The following MBNL1 variants were observed in gnomAD, a reference collection of about 807,000 sequenced individuals.
The protein encoded by MBNL1 is muscleblind-like protein 1.
MBNL1 carries 8 observed loss-of-function variants against 42.2 expected under a neutral mutation model. The ratio of observed to expected loss-of-function variants is 0.19; its 90% CI spans 0.11 to 0.34. The LOEUF (loss-of-function observed/expected upper bound fraction) is 0.34. Ranked by LOEUF, MBNL1 falls within the 10% of genes least tolerant of loss-of-function variation. MBNL1 has a pLI of 1.00. For synonymous variants in MBNL1, 169 were observed against 173.9 expected (o/e 0.97, Z 0.22); for missense variants, 309 against 495.3 (o/e 0.62, Z 3.57).
chr3:152,317,439 T>C (rs1031334095), intron 2 of MBNL1, among the ~76,000 whole-genome samples: 2 of 151,920 alleles, frequency 1.3e-5, no homozygotes, highest in Admixed American at 6.6e-5. Flanking sequence ...CCCGCCTCAA[T>C]CTCCTGAGTA....
At chr3:152,388,827 G>A (rs1293963983) in intron 2 of MBNL1, among the ~76,000 whole-genome samples, 1 of 152,186 alleles carries the variant, frequency 6.6e-6, no homozygotes, top group Admixed American at 6.5e-5. Context: ...TATTCAGGTA[G>A]ATGAAGTGAC....
intron 2 of MBNL1, among the ~76,000 whole-genome samples, chr3:152,328,988 G>A (rs2082272605): frequency 6.6e-6 from 1 of 152,054 alleles, no homozygotes; most frequent in African/African-American, 2.4e-5. Flanking sequence ...GAAGGAGCTA[G>A]TGAAAAGTAA....
At chr3:152,331,689 G>A (rs577574639) in intron 2 of MBNL1, among the ~76,000 whole-genome samples, 1 of 152,010 alleles carries the variant, frequency 6.6e-6, no homozygotes, top group African/African-American at 2.4e-5. Flanking sequence ...TACTTCAAAT[G>A]TTATTGATTG....
intron 2 of MBNL1, among the ~76,000 whole-genome samples, chr3:152,322,948 G>A (rs931734487): frequency 2.6e-5 from 4 of 152,044 alleles, no homozygotes; most frequent in African/African-American, 9.7e-5. Flanking sequence ...ATTTAAGCCA[G>A]GATACTGTTA....
chr3:152,246,498 CATG>C (rs2033055614), intron 2 of MBNL1, among the ~76,000 whole-genome samples: 2 of 151,376 alleles, frequency 1.3e-5, no homozygotes. Context: ...TCTGAGTTTC[CATG>C]ATAATATTAA....
intron 2 of MBNL1, among the ~76,000 whole-genome samples, chr3:152,390,331 G>T (rs2097655546): frequency 6.6e-6 from 1 of 151,462 alleles, no homozygotes. Context: ...CCTACACAGG[G>T]TTGGGACCAT....
upstream of MBNL1, chr3:152,268,537 G>T (rs1457614393): frequency 1.7e-5 from 6 of 349,654 alleles, no homozygotes; most frequent in East Asian, 4.9e-4. Flanking sequence ...GTGCCTAGCA[G>T]TCGGTAGAAG....
At chr3:152,269,116 C>T (rs2038343731) in intron 1 of MBNL1, 24 bp downstream of exon 1, 2 of 449,768 alleles carry the variant, frequency 4.4e-6, no homozygotes, top group South Asian at 1.6e-5. Flanking sequence ...TTCACAGTTT[C>T]CCCGCGCCGC....
At chr3:152,326,005 A>G (rs907865146) in intron 2 of MBNL1, among the ~76,000 whole-genome samples, 1 of 152,148 alleles carries the variant, frequency 6.6e-6, no homozygotes, top group Non-Finnish European at 1.5e-5. Context: ...CCCCTGTAGC[A>G]TGTTAAAAGA....
At chr3:152,390,502 T>A (rs77709396) in intron 2 of MBNL1, among the ~76,000 whole-genome samples, 10,917 of 152,078 alleles carry the variant, frequency 0.072, 509 homozygotes, top group Middle Eastern at 0.16. Flanking sequence ...TTTTTTTTTT[T>A]AATTATTAGA....
chr3:152,251,907 G>A (rs1279350372), intron 2 of MBNL1, among the ~76,000 whole-genome samples: 4 of 151,982 alleles, frequency 2.6e-5, no homozygotes, highest in African/African-American at 7.2e-5. Flanking sequence ...GCTGCAGTAT[G>A]ATGGCTTTAC....
At chr3:152,326,755 T>C (rs2152511803) in intron 2 of MBNL1, among the ~76,000 whole-genome samples, 1 of 149,888 alleles carries the variant, frequency 6.7e-6, no homozygotes, top group East Asian at 2.0e-4. Flanking sequence ...TAAATTTTTC[T>C]AAAAAATTTT....
intron 1 of MBNL1, among the ~76,000 whole-genome samples, chr3:152,290,508 G>T (rs2055288711): frequency 6.6e-6 from 1 of 151,960 alleles, no homozygotes; most frequent in South Asian, 2.1e-4. Flanking sequence ...CAATGTATGA[G>T]GTGCTGTGGA....
intron 2 of MBNL1, among the ~76,000 whole-genome samples, chr3:152,347,425 GT>G (rs1211823336): frequency 6.6e-6 from 1 of 152,050 alleles, no homozygotes; most frequent in African/African-American, 2.4e-5. Flanking sequence ...TTAGGTTATA[GT>G]TTTCATATCA....
intron 2 of MBNL1, among the ~76,000 whole-genome samples, chr3:152,244,695 T>C (rs936477975): frequency 5.3e-5 from 8 of 152,206 alleles, no homozygotes; most frequent in African/African-American, 1.7e-4. Flanking sequence ...TAAAACGTTA[T>C]CTTTCTTGTG....
At chr3:152,310,001 AGG>A (rs2065445747) in intron 2 of MBNL1, among the ~76,000 whole-genome samples, 1 of 152,222 alleles carries the variant, frequency 6.6e-6, no homozygotes, top group Non-Finnish European at 1.5e-5. Context: ...AAATTTGCTC[AGG>A]TAACACACAA....
intron 2 of MBNL1, among the ~76,000 whole-genome samples, chr3:152,375,370 C>T (rs2096853132): frequency 6.6e-6 from 1 of 152,188 alleles, no homozygotes; most frequent in Non-Finnish European, 1.5e-5. Flanking sequence ...TTTAGATAAA[C>T]ACCACTGATT....
intron 1 of MBNL1, among the ~76,000 whole-genome samples, chr3:152,285,898 A>G (rs1158629872): frequency 6.6e-6 from 1 of 151,532 alleles, no homozygotes; most frequent in African/African-American, 2.4e-5. Flanking sequence ...TGCTGCGATT[A>G]TAGGTATGAG....
intron 2 of MBNL1, among the ~76,000 whole-genome samples, chr3:152,414,048 T>A (rs1210824592): frequency 6.6e-6 from 1 of 152,188 alleles, no homozygotes; most frequent in Non-Finnish European, 1.5e-5. Flanking sequence ...CCCAAAGTGC[T>A]AAGATTACTA....
Sources: allele counts gnomAD v4.1 joint callset (sites outside exome capture counted in the v4.1 genomes callset), GRCh38; gene constraint gnomAD v4.1.1; transcripts MANE v1.5; gene names NCBI Gene and HGNC (gene_info 2026-07-23, HGNC 2026-07-21).